Variants in CNGB3 observed in about 807,000 individuals in gnomAD.
CNGB3 encodes the protein cyclic nucleotide gated channel subunit beta 3, also known as cyclic nucleotide-gated channel beta-3.
In CNGB3, 86 loss-of-function variants were observed where a neutral mutation model predicts 92.8. The observed-to-expected ratio is 0.93, with a 90% confidence interval of 0.78 to 1.11. The LOEUF is 1.11. CNGB3 is among the 50% of genes least tolerant of loss of function. CNGB3 has a pLI of 0.00. For missense variants in CNGB3, 1,026 were observed against 956.8 expected (o/e 1.07, Z -0.95); for synonymous variants, 333 against 332.7 (o/e 1.00, Z -0.01).
At position 86,627,958 on chromosome 8, in the gene CNGB3, C is replaced by A. The variant is rs568612182; in HGVS notation, c.1480+961G>T. ...ACAGTGAAGATGAGGAGGATGAAGACCTTTATGATGATCTAGTCTCACTTA... is the reference window on the plus strand; with the variant it reads ...ACAGTGAAGATGAGGAGGATGAAGAACTTTATGATGATCTAGTCTCACTTA... On this transcript the variant is annotated intron_variant, in intron 12 of 17. Coordinates refer to ENST00000320005, the MANE Select transcript of CNGB3 (RefSeq NM_019098.5). 6.6e-5 allele frequency among the ~76,000 whole-genome samples: 10 copies of A among 152,282 alleles called. No individual in the cohort carries two copies. In the East Asian group the frequency reaches 1.9e-3, roughly 29 times the overall value.
intron 2 of CNGB3, among the ~76,000 whole-genome samples, chr8:86,728,671 T>C (rs1423477113): frequency 2.0e-5 from 3 of 152,210 alleles, no homozygotes; most frequent in African/African-American, 7.2e-5. Flanking sequence ...TGAAGCCGTA[T>C]GTTGTATATA....
intron 3 of CNGB3, among the ~76,000 whole-genome samples, chr8:86,673,152 T>C (rs887883415): frequency 1.1e-4 from 16 of 152,334 alleles, no homozygotes; most frequent in African/African-American, 3.8e-4. Context: ...TAGTTGTTCA[T>C]AGTTTAATGG....
At chr8:86,583,921 CAAAAAAAAAA>C (rs71574285) in intron 15 of CNGB3, among the ~76,000 whole-genome samples, 1 of 61,184 alleles carries the variant, frequency 1.6e-5, no homozygotes, top group African/African-American at 7.0e-5. Flanking sequence ...GACCTTGTCT[CAAAAAAAAAA>C]AAAAAAAAAA....
At chr8:86,719,170 G>A (rs1166094757) in intron 3 of CNGB3, among the ~76,000 whole-genome samples, 1 of 151,940 alleles carries the variant, frequency 6.6e-6, no homozygotes, top group East Asian at 1.9e-4. Context: ...GTCATAGCCA[G>A]AGCAATCAGA....
chr8:86,662,151 C>T (rs983765928), intron 6 of CNGB3, among the ~76,000 whole-genome samples: 14 of 152,248 alleles, frequency 9.2e-5, no homozygotes, highest in African/African-American at 3.1e-4. Flanking sequence ...CCGCACACCG[C>T]AACCCGTATT....
At chr8:86,652,869 A>G (rs1823433479) in intron 7 of CNGB3, among the ~76,000 whole-genome samples, 1 of 152,172 alleles carries the variant, frequency 6.6e-6, no homozygotes, top group South Asian at 2.1e-4. Flanking sequence ...AGTACAGGAT[A>G]GTAAATACAT....
intron 15 of CNGB3, among the ~76,000 whole-genome samples, chr8:86,600,776 A>ATTTTTTTTTTTT (rs533111246): frequency 1.3e-4 from 5 of 38,422 alleles, no homozygotes; most frequent in African/African-American, 2.8e-4. Context: ...CGCTCGGCTA[A>ATTTTTTTTTTTT]TTTTTTTTTT....
At chr8:86,727,149 C>T (rs1443841439) in intron 2 of CNGB3, among the ~76,000 whole-genome samples, 2 of 152,088 alleles carry the variant, frequency 1.3e-5, no homozygotes, top group African/African-American at 4.8e-5. Context: ...TGAGACTACC[C>T]TCTTTTATGC....
At chr8:86,735,042 G>GGGTT (rs1554618958) in intron 2 of CNGB3, among the ~76,000 whole-genome samples, 7 of 85,886 alleles carry the variant, frequency 8.2e-5, no homozygotes, top group Admixed American at 1.5e-4. Context: ...AATGCCGGTG[G>GGGTT]TTTTTTTTTT....
chr8:86,644,582 CT>C, intron 9 of CNGB3, 39 bp downstream of exon 9: 2 of 1,594,294 alleles, frequency 1.3e-6, no homozygotes, highest in Non-Finnish European at 8.6e-7. Context: ...TGTACCATTG[CT>C]TTTTCCCCTT....
chr8:86,591,364 TTTGTTCCATTGC>T (rs1161571878), intron 15 of CNGB3, among the ~76,000 whole-genome samples: 1 of 152,128 alleles, frequency 6.6e-6, no homozygotes, highest in Non-Finnish European at 1.5e-5. Context: ...TCCGTCCAGC[TTTGTTCCATTGC>T]TGGTGATGAG....
intron 1 of CNGB3, among the ~76,000 whole-genome samples, chr8:86,740,168 C>T (rs1184661626): frequency 2.0e-5 from 3 of 152,164 alleles, no homozygotes; most frequent in South Asian, 2.1e-4. Context: ...CTTTGAAATG[C>T]CGTTATGTCC....
chr8:86,587,787 G>C (rs1190814023), intron 15 of CNGB3, among the ~76,000 whole-genome samples: 2 of 150,472 alleles, frequency 1.3e-5, no homozygotes, highest in African/African-American at 2.4e-5. Context: ...CTCCAGCTTT[G>C]TTCTTTTGGC....
intron 15 of CNGB3, among the ~76,000 whole-genome samples, chr8:86,597,099 C>A (rs1484386457): frequency 6.6e-6 from 1 of 152,098 alleles, no homozygotes; most frequent in East Asian, 1.9e-4. Context: ...TGCAGCAAAC[C>A]AACATGGCAC....
At chr8:86,665,764 G>T (rs1823729736) in intron 6 of CNGB3, among the ~76,000 whole-genome samples, 1 of 152,182 alleles carries the variant, frequency 6.6e-6, no homozygotes, top group Admixed American at 6.5e-5. Context: ...CAGGGAGGAA[G>T]TGGGGGAGGG....
At chr8:86,667,244 A>G (rs1022771844) in intron 5 of CNGB3, 111 bp from the exon 6 acceptor site, 4 of 885,782 alleles carry the variant, frequency 4.5e-6, no homozygotes, top group Admixed American at 4.0e-5. Context: ...GTAATTTGCC[A>G]TAGGAGGCTC....
chr8:86,593,801 C>T (rs1321168407), intron 15 of CNGB3: 12 of 1,334,132 alleles, frequency 9.0e-6, no homozygotes, highest in East Asian at 2.5e-5. Flanking sequence ...GTAGTAGGGC[C>T]GCAGCTTGTC....
intron 3 of CNGB3, among the ~76,000 whole-genome samples, chr8:86,715,921 CAT>C (rs1015723921): frequency 7.4e-4 from 112 of 151,402 alleles, no homozygotes; most frequent in Non-Finnish European, 1.6e-4. Flanking sequence ...CACATGTATA[CAT>C]ATGTAACTAA....
chr8:86,581,915 G>A (rs1481159984), intron 15 of CNGB3, among the ~76,000 whole-genome samples: 1 of 151,958 alleles, frequency 6.6e-6, no homozygotes, highest in Non-Finnish European at 1.5e-5. Flanking sequence ...CACAGCCCGA[G>A]TCCTAGCCAA....
Sources: gnomAD v4.1 joint callset for allele counts (sites outside exome capture counted in the v4.1 genomes callset) on GRCh38, gnomAD v4.1.1 for gene constraint, MANE v1.5 for transcripts, NCBI Gene and HGNC (gene_info 2026-07-23, HGNC 2026-07-21) for gene names.